ZNF546: variants seen among roughly 807,000 people sequenced by gnomAD.
ZNF546 encodes the protein CTC-471F3.6.
Under a neutral mutation model 76.2 loss-of-function variants are expected in ZNF546, and 60 were observed. The ratio of observed to expected loss-of-function variants is 0.79; its 90% CI spans 0.64 to 0.98. The LOEUF (loss-of-function observed/expected upper bound fraction) is 0.98, where lower values mean the gene tolerates loss of function less well. ZNF546 is among the 50% of genes least tolerant of loss of function. The pLI, the probability that ZNF546 is intolerant of heterozygous loss-of-function variation, is 0.00. For missense variants in ZNF546, 936 were observed against 1,035.6 expected (o/e 0.90, Z 1.32); for synonymous variants, 277 against 328.1 (o/e 0.84, Z 1.68).
At chr19:40,003,171 G>C (rs1316404131) in intron 3 of ZNF546, among the ~76,000 whole-genome samples, 1 of 151,770 alleles carries the variant, frequency 6.6e-6, no homozygotes, top group Non-Finnish European at 1.5e-5. Context: ...GAGTAGCTGG[G>C]ACTACAGGCG....
At chr19:40,013,108 C>T (rs796871106) in intron 6 of ZNF546, among the ~76,000 whole-genome samples, 7 of 152,246 alleles carry the variant, frequency 4.6e-5, no homozygotes, top group African/African-American at 1.2e-4. Context: ...CCACCGCACC[C>T]GGCCTATTTT....
rs1373854986 is a variant in ZNF546 at position 40,006,124 on chromosome 19, C to CA, written c.113_114insA (p.Met39HisfsTer15). The stretch of plus-strand genomic sequence containing the variant: ...CGGTTTCTCTGGATTCTGTGCTTCT[C>CA]CATGGAGGAAACTCAAGGAGAACTG... On this transcript the variant is annotated frameshift_variant, in exon 4 of 7. Transcript: ENST00000347077. LOFTEE classifies it high-confidence loss of function. The CA allele has an allele frequency of 6.2e-7, 1 of 1,613,854 alleles. No individual in the cohort carries two copies. The highest frequency in any genetic ancestry group is 1.7e-5 in the Admixed American group (1 of 59,960).
chr19:40,015,457 CT>C lies in ZNF546; in HGVS notation c.2190del (p.Phe730LeufsTer40). On this transcript the variant is annotated frameshift_variant, in exon 7 of 7. Transcript: ENST00000347077. LOFTEE classifies it high-confidence loss of function. ...PYECKECGKT[F>X]SRRYHLTQHF... The stretch of plus-strand genomic sequence containing the variant: ...ATGAATGTAAGGAATGTGGAAAGAC[CT>C]TTAGTCGTCGGTATCATCTTACTCA... The C allele has an allele frequency of 6.2e-7, 1 of 1,614,098 alleles. No individual in the cohort carries two copies. The highest frequency in any genetic ancestry group is 1.1e-5 in the South Asian group (1 of 91,072).
At chr19:40,012,948 G>A (rs1599743977) in intron 6 of ZNF546, among the ~76,000 whole-genome samples, 1 of 151,958 alleles carries the variant, frequency 6.6e-6, no homozygotes, top group African/African-American at 2.4e-5. Context: ...CGAGTAGCTG[G>A]GACTACAGGC....
In ZNF546 at chr19:40,017,332, A is replaced by G. The variant is rs1599747573; in HGVS notation, c.*1551A>G. On this transcript the variant is annotated 3_prime_UTR_variant, in exon 7 of 7. Transcript: ENST00000347077. ...ATGTCAGTCGCTTTTTCTGCCCACA[A>G]TGATAAATTAAAAACAGCCACTATC... is the stretch of plus-strand genomic sequence containing the variant. 2 of 152,204 alleles carry G rather than the reference A, an allele frequency of 1.3e-5. No homozygotes were observed. The highest frequency in any genetic ancestry group is 1.9e-4 in the East Asian group (1 of 5,208). 9.4% of individuals were successfully genotyped at this position (152,204 alleles called of 1,614,324 possible). A position where few individuals can be genotyped will look rare whatever the true frequency, so the allele number is the denominator to read the frequency against.
At position 40,020,427 on chromosome 19, in the gene ZNF546, T is replaced by C. The variant is rs1971840094; in HGVS notation, c.*4646T>C. The C allele has an allele frequency of 6.6e-6, 1 of 152,226 alleles. No individual in the cohort carries two copies. The highest frequency in any genetic ancestry group is 6.5e-5 in the Admixed American group (1 of 15,286). 9.4% of individuals were successfully genotyped at this position (152,226 alleles called of 1,614,324 possible). On this transcript the variant is annotated 3_prime_UTR_variant, in exon 7 of 7. Transcript: ENST00000347077. ...AAAAAGCAGAGTATTTTGAGACGTA[T>C]ATTAATGCAAAATATTGTTAATGTA...
At chr19:40,011,928 T>TC (rs1971676337) in intron 6 of ZNF546, among the ~76,000 whole-genome samples, 1 of 152,178 alleles carries the variant, frequency 6.6e-6, no homozygotes, top group Admixed American at 6.5e-5. Flanking sequence ...CCATATTAGG[T>TC]CACATTCACA....
At chr19:40,008,842 C>T (rs528605928) in intron 6 of ZNF546, among the ~76,000 whole-genome samples, 30 of 152,236 alleles carry the variant, frequency 2.0e-4, no homozygotes, top group African/African-American at 6.0e-4. Flanking sequence ...GACCATTTTA[C>T]GTGTGTTTCC....
At position 40,006,173 on chromosome 19, in the gene ZNF546, C is replaced by T; in HGVS notation, c.162C>T (p.Thr54=). Residue 54 remains threonine, a synonymous_variant, in exon 4 of 7, where the codon ACC becomes ACT. Coordinates refer to ENST00000347077, the MANE Select transcript of ZNF546 (RefSeq NM_178544.5). ...TGACAAGTTCTTGTGGTTCTAAAACCATGGCCAATGTAAGTTTGTGTTTTT... is the reference window on the plus strand; with the variant it reads ...TGACAAGTTCTTGTGGTTCTAAAACTATGGCCAATGTAAGTTTGTGTTTTT... ...GELTSSCGSK[T]MANVSLAFRD... is the part of the protein sequence containing the mutation. The T allele has an allele frequency of 1.2e-6, 2 of 1,612,946 alleles. No individual in the cohort carries two copies. Among genetic ancestry groups the T allele is most frequent in the Non-Finnish European group, 1.7e-6 (2 of 1,179,464 alleles).
intron 5 of ZNF546, among the ~76,000 whole-genome samples, chr19:40,008,149 C>T (rs189717752): frequency 2.7e-4 from 41 of 152,334 alleles, no homozygotes; most frequent in African/African-American, 8.9e-4. Context: ...GAAGGTCACA[C>T]AGCTGGTAGG....
intron 3 of ZNF546, among the ~76,000 whole-genome samples, chr19:40,002,894 T>G (rs1599738785): frequency 1.3e-5 from 2 of 151,898 alleles, no homozygotes; most frequent in Middle Eastern, 3.4e-3. Context: ...GAGACAGGGG[T>G]TCACTATATT....
chr19:40,008,509 A>G lies in ZNF546; in HGVS notation c.338A>G (p.Glu113Gly). Reference sequence around the variant, plus strand: ...AAGCCAGATGTGATTACTTTATTGGAGCAAGAGAAAGAGCCCTGGATAGTA... The same window carrying G: ...AAGCCAGATGTGATTACTTTATTGGGGCAAGAGAAAGAGCCCTGGATAGTA... The part of the protein sequence containing the change: ...IPKPDVITLL[E>G]QEKEPWIVMR... Residue 113 changes from glutamate (E) to glycine (G), a missense_variant, in exon 6 of 7, where the codon GAG becomes GGG. Glu to Gly is a moderately conservative substitution (Grantham distance 98). Transcript: ENST00000347077. The G allele has an allele frequency of 6.2e-7, 1 of 1,612,794 alleles. No individual in the cohort carries two copies. The highest frequency in any genetic ancestry group is 8.5e-7 in the Non-Finnish European group (1 of 1,179,040).
intron 3 of ZNF546, among the ~76,000 whole-genome samples, chr19:40,001,638 A>G (rs1359657455): frequency 2.0e-5 from 3 of 152,096 alleles, no homozygotes; most frequent in African/African-American, 7.2e-5. Context: ...CTGGGATTAC[A>G]AGTGTGAGCC....
At position 40,014,872 on chromosome 19, in the gene ZNF546, T is replaced by C. The variant is rs1468804294; in HGVS notation, c.1602T>C (p.Phe534=). ...TATGTAACGAATGTGGAAAAGCCTT[T>C]CGTCTTCAAGGAGAACTTACCCGAC... The part of the protein sequence containing the change: ...PYICNECGKA[F]RLQGELTRHH... The change falls in exon 7 of 7, where the codon TTT becomes TTC. Residue 534 remains phenylalanine (F), a synonymous_variant. Coordinates refer to ENST00000347077, the MANE Select transcript of ZNF546 (RefSeq NM_178544.5). 3 of 1,613,866 alleles carry C rather than the reference T, an allele frequency of 1.9e-6. No individual in the cohort carries two copies. Among genetic ancestry groups the C allele is most frequent in the Non-Finnish European group, 2.5e-6 (3 of 1,179,914 alleles).
In ZNF546 at chr19:40,013,769, C is replaced by T. The variant is rs1971703570; in HGVS notation, c.499C>T (p.His167Tyr). The T allele has an allele frequency of 3.1e-6, 5 of 1,613,516 alleles. No individual in the cohort carries two copies. The highest frequency in any genetic ancestry group is 4.2e-6 in the Non-Finnish European group (5 of 1,179,898). ...QTGEKSKNTI[H>Y]EDTIFRNGLQ... is the part of the protein sequence containing the mutation. ...AGGGGAAAAAAGTAAAAACACCATCCATGAGGACACCATTTTCAGAAATGG... is the reference window on the plus strand; with the variant it reads ...AGGGGAAAAAAGTAAAAACACCATCTATGAGGACACCATTTTCAGAAATGG... Residue 167 changes from histidine to tyrosine, a missense_variant, in exon 7 of 7, where the codon CAT (histidine) becomes TAT (tyrosine). His to Tyr is a moderately conservative substitution (Grantham distance 83). Transcript: ENST00000347077.
In ZNF546 at chr19:40,018,891, A is replaced by G. The variant is rs975425042; in HGVS notation, c.*3110A>G. The G allele has an allele frequency of 6.6e-6, 1 of 152,254 alleles. No homozygotes were observed. Among genetic ancestry groups the G allele is most frequent in the South Asian group, 2.1e-4 (1 of 4,832 alleles). 9.4% of individuals were successfully genotyped at this position (152,254 alleles called of 1,614,324 possible). A position where few individuals can be genotyped will look rare whatever the true frequency, so the allele number is the denominator to read the frequency against. ...GTGGAGCAGAGAAAAGCTTTCCCCC[A>G]TGAGCCTGCCCAAATTGCAGATTTA... On this transcript the variant is annotated 3_prime_UTR_variant, in exon 7 of 7. Coordinates refer to ENST00000347077, the MANE Select transcript of ZNF546 (RefSeq NM_178544.5).
Position 39,998,309 on chromosome 19 carries a change from TC to T in ZNF546, c.-16del. 3 of 1,610,298 alleles carry T rather than the reference TC, an allele frequency of 1.9e-6. No individual in the cohort carries two copies. The highest frequency in any genetic ancestry group is 2.5e-6 in the Non-Finnish European group (3 of 1,176,526). On this transcript the variant is annotated 5_prime_UTR_variant, in exon 3 of 7. Transcript: ENST00000347077. ...CAGTGACCTATCCCAGGCCTTCCTTTCCAGTGAACAATGGACCATGCAGGTG... is the reference window on the plus strand; with the variant it reads ...CAGTGACCTATCCCAGGCCTTCCTTTCAGTGAACAATGGACCATGCAGGTG...
At chr19:39,998,835 T>A (rs112788074) in intron 3 of ZNF546, among the ~76,000 whole-genome samples, 1 of 152,204 alleles carries the variant, frequency 6.6e-6, no homozygotes, top group African/African-American at 2.4e-5. Flanking sequence ...TGCAATGGCA[T>A]GAACTCGGCT....
chr19:40,015,212 C>T lies in ZNF546; in HGVS notation c.1942C>T (p.Arg648Cys), dbSNP rs375603569. Residue 648 changes from arginine to cysteine, a missense_variant, in exon 7 of 7, where the codon CGT becomes TGT. Coordinates refer to ENST00000347077, the MANE Select transcript of ZNF546 (RefSeq NM_178544.5). ...KCTECGKAFI[R>C]STHLTQHHRI... ...TACAGAATGTGGGAAGGCCTTTATT[C>T]GTAGCACTCATCTCACGCAACATCA... 1.2e-5 allele frequency: 19 copies of T among 1,613,522 alleles called. No homozygotes were observed. The highest frequency in any genetic ancestry group is 8.9e-5 in the East Asian group (4 of 44,788).
Sources: allele counts gnomAD v4.1 joint callset (sites outside exome capture counted in the v4.1 genomes callset), GRCh38; gene constraint gnomAD v4.1.1; transcripts MANE v1.5; gene names NCBI Gene and HGNC (gene_info 2026-07-23, HGNC 2026-07-21).